Variants in DDX24 observed in about 807,000 individuals in gnomAD.
DDX24 encodes the protein ATP-dependent RNA helicase DDX24.
Under a neutral mutation model 68.9 loss-of-function variants are expected in DDX24, and 24 were observed. The observed-to-expected ratio is 0.35, with a 90% CI of 0.25 to 0.49. The LOEUF (loss-of-function observed/expected upper bound fraction) is 0.49. Among genes scored for constraint, DDX24 ranks in the 20% least tolerant of loss-of-function variants. The pLI is 0.99. For missense variants in DDX24, 989 were observed against 1,039.0 expected, an observed-to-expected ratio of 0.95 and a Z score of 0.66; for synonymous variants, 395 against 385.2, an observed-to-expected ratio of 1.03 and a Z score of -0.30.
chr14:94,062,293 A>G lies in DDX24; in HGVS notation c.1047T>C (p.Pro349=), dbSNP rs774521806. 1 of 1,614,242 alleles carries G rather than the reference A, an allele frequency of 6.2e-7. No homozygotes were observed. The highest frequency in any genetic ancestry group is 8.5e-7 in the Non-Finnish European group (1 of 1,180,036). ...EGPSSLIREK[P]VPKQNENEEE... is the part of the protein sequence containing the mutation. ...CCTCATTCTCATTCTGTTTGGGAAC[A>G]GGTTTCTCCCTGATCAGGGAAGAAG... The change falls in exon 3 of 9, where the codon CCT becomes CCC. Residue 349 remains proline, a synonymous_variant. Transcript: ENST00000621632.
At position 94,050,959 on chromosome 14, in the gene DDX24, C is replaced by A; in HGVS notation, c.*232G>T. The A allele has an allele frequency of 7.8e-6, 3 of 382,946 alleles. No homozygotes were observed. Among genetic ancestry groups the A allele is most frequent in the Admixed American group, 4.5e-5 (1 of 22,334 alleles). 23.7% of individuals were successfully genotyped at this position (382,946 alleles called of 1,614,324 possible). The stretch of plus-strand genomic sequence containing the variant: ...TTTTAATTTATGAAATCAAGTTTAA[C>A]ACACAAGAAGCCTATAAACACTGCA... On this transcript the variant is annotated 3_prime_UTR_variant, in exon 9 of 9. Transcript: ENST00000621632.
intron 6 of DDX24, chr14:94,057,062 A>C (rs1885504549): frequency 6.6e-6 from 1 of 152,232 alleles, no homozygotes; most frequent in Admixed American, 6.5e-5. Flanking sequence ...CATCAGCTCA[A>C]TTTAATTCTC....
chr14:94,079,447 A>G lies in DDX24; in HGVS notation c.296T>C (p.Ile99Thr). 6 of 1,613,740 alleles carry G rather than the reference A, an allele frequency of 3.7e-6. No homozygotes were observed. The highest frequency in any genetic ancestry group is 5.1e-6 in the Non-Finnish European group (6 of 1,179,972). Residue 99 changes from isoleucine (I) to threonine (T), a missense_variant, in exon 2 of 9, where the codon ATC (isoleucine) becomes ACC (threonine). Transcript: ENST00000621632. Reference protein sequence around the residue: ...EGKSSSPKKKIKLKKSKNVAT... With the variant: ...EGKSSSPKKKTKLKKSKNVAT... The stretch of plus-strand genomic sequence containing the variant: ...TACATTTTTACTTTTCTTCAACTTG[A>G]TCTTTTTCTTTGGTGAGCTAGACTT...
intron 5 of DDX24, 132 bp downstream of exon 5, chr14:94,059,966 A>T (rs922621071): frequency 1.0e-5 from 12 of 1,156,906 alleles, no homozygotes; most frequent in Non-Finnish European, 1.3e-5. Flanking sequence ...CAAAAAAAAA[A>T]AAAGGCTACC....
intron 3 of DDX24, among the ~76,000 whole-genome samples, chr14:94,061,285 T>C (rs1476986273): frequency 6.6e-6 from 1 of 152,090 alleles, no homozygotes; most frequent in Non-Finnish European, 1.5e-5. Context: ...GCCTCATTTC[T>C]TTTCTACTCC....
intron 2 of DDX24, among the ~76,000 whole-genome samples, chr14:94,067,812 CACT>C (rs35551192): frequency 0.32 from 47,976 of 151,766 alleles, 7,674 homozygotes; most frequent in Admixed American, 0.38. Flanking sequence ...ACCAAGCCAC[CACT>C]ACAAGAACTG....
In DDX24 at chr14:94,057,870, T is replaced by C. The variant is rs1056810; in HGVS notation, c.1941A>G (p.Ala647=). 0.33 allele frequency: 532,638 copies of C among 1,612,820 alleles called. 89,219 individuals carry two copies. The highest frequency in any genetic ancestry group is 0.42 in the Admixed American group (24,878 of 59,902). The part of the protein sequence containing the change: ...EDCVLLATDV[A]ARGLDIPKVQ... Reference sequence around the variant, plus strand: ...CTTTAGGAATATCCAGACCCCGAGCTGCCACATCTGTTGCCAAGAGAACAC... The same window carrying C: ...CTTTAGGAATATCCAGACCCCGAGCCGCCACATCTGTTGCCAAGAGAACAC... Residue 647 remains alanine (A), a synonymous_variant, in exon 6 of 9, where the codon GCA becomes GCG. Coordinates refer to ENST00000621632, the MANE Select transcript of DDX24 (RefSeq NM_020414.4).
intron 3 of DDX24, 67 bp downstream of exon 3, chr14:94,062,030 T>C: frequency 6.7e-7 from 1 of 1,492,710 alleles, no homozygotes. Context: ...CCACAGCTCA[T>C]TCATCTTTAC....
At position 94,051,547 on chromosome 14, in the gene DDX24, T is replaced by C. The variant is rs951303318; in HGVS notation, c.2309-85A>G. On this transcript the variant is annotated intron_variant, in intron 8 of 8. Coordinates refer to ENST00000621632, the MANE Select transcript of DDX24 (RefSeq NM_020414.4). ...CCTTGATGGGTAACACAGTGAAAAATGTTTTAGAACTACTTTAGGGAGGCA... is the reference window on the plus strand; with the variant it reads ...CCTTGATGGGTAACACAGTGAAAAACGTTTTAGAACTACTTTAGGGAGGCA... The C allele has an allele frequency of 5.4e-6, 8 of 1,480,798 alleles. No homozygotes were observed. In the Admixed American group the frequency reaches 2.1e-4, roughly 38 times the overall value. The allele number at this position is 1,480,798 out of a possible 1,614,324, so 91.7% of individuals were successfully genotyped here.
At chr14:94,071,525 T>C (rs535880511) in intron 2 of DDX24, among the ~76,000 whole-genome samples, 1 of 152,262 alleles carries the variant, frequency 6.6e-6, no homozygotes, top group East Asian at 1.9e-4. Context: ...GGCAGGCACC[T>C]GTAATCCCAG....
rs1237225629 is a variant in DDX24 at position 94,060,215 on chromosome 14, C to A, written c.1796G>T (p.Cys599Phe). Reference protein sequence around the residue: ...RSLVFANSISCIKRLSGLLKV... With the variant: ...RSLVFANSISFIKRLSGLLKV... ...GAGGAGCCCAGAGAGGCGTTTGATG[C>A]AGGAGATACTGTTGGCAAACACTAA... Residue 599 changes from cysteine (C) to phenylalanine (F), a missense_variant, in exon 5 of 9, where the codon TGC becomes TTC. This residue lies in a region of DDX24 where 691 missense variants were observed against 760.0 expected (regional missense o/e 0.91). Transcript: ENST00000621632. 2.5e-6 allele frequency: 4 copies of A among 1,614,132 alleles called. No individual in the cohort carries two copies. Among genetic ancestry groups the A allele is most frequent in the East Asian group, 2.2e-5 (1 of 44,876 alleles).
Position 94,054,998 on chromosome 14 carries a change from T to TGACCAC in DDX24, c.2170_2175dup (p.Val724_Val725dup). The TGACCAC allele has an allele frequency of 6.8e-6, 11 of 1,614,020 alleles. No individual in the cohort carries two copies. The highest frequency in any genetic ancestry group is 8.5e-6 in the Non-Finnish European group (10 of 1,179,904). ...CTGGGGTTTTAACTGCTTTCTACCT[T>TGACCAC]GACCACATCCATGTATTTTGTCTGC... On this transcript the variant is annotated inframe_insertion, in exon 7 of 9. Coordinates refer to ENST00000621632, the MANE Select transcript of DDX24 (RefSeq NM_020414.4).
chr14:94,055,025 C>T lies in DDX24; in HGVS notation c.2149G>A (p.Val717Met), dbSNP rs747489286. The change falls in exon 7 of 9, where the codon GTG (valine) becomes ATG (methionine). Residue 717 changes from valine to methionine, a missense_variant. Physicochemically the swap from Val to Met is conservative, Grantham distance 21. Transcript: ENST00000621632. ...KKDEDIPLFP[V>M]QTKYMDVVKE... is the part of the protein sequence containing the mutation. ...ACCACATCCATGTATTTTGTCTGCA[C>T]GGGGAACAGTGGGATATCCTCATCT... 19 of 1,613,996 alleles carry T rather than the reference C, an allele frequency of 1.2e-5. No homozygotes were observed. Among genetic ancestry groups the T allele is most frequent in the South Asian group, 2.2e-5 (2 of 91,086 alleles).
chr14:94,076,778 G>C (rs564671452), intron 2 of DDX24, among the ~76,000 whole-genome samples: 13 of 151,988 alleles, frequency 8.6e-5, no homozygotes, highest in African/African-American at 3.1e-4. Flanking sequence ...AACTGAGGGA[G>C]GGAGGGAGGG....
Position 94,055,170 on chromosome 14 carries a change from C to T in DDX24, c.2004G>A (p.Ser668=), listed in dbSNP as rs1427807414. 8.7e-6 allele frequency: 14 copies of T among 1,613,274 alleles called. No homozygotes were observed. The highest frequency in any genetic ancestry group is 4.4e-5 in the South Asian group (4 of 91,058). ...HVIHYQVPRT[S]EIYVHRSGRT... is the part of the protein sequence containing the mutation. ...GACCACTTCGGTGGACATAAATCTC[C>T]GAGGTACGTGGGACCTGCCACAGGA... Residue 668 remains serine, a synonymous_variant, in exon 7 of 9, where the codon TCG becomes TCA. Coordinates refer to ENST00000621632, the MANE Select transcript of DDX24 (RefSeq NM_020414.4).
At chr14:94,066,793 T>C (rs1885714653) in intron 2 of DDX24, among the ~76,000 whole-genome samples, 1 of 152,186 alleles carries the variant, frequency 6.6e-6, no homozygotes, top group Non-Finnish European at 1.5e-5. Flanking sequence ...GGGGGAGTAC[T>C]ACATCAAGGG....
rs1306061591 is a variant in DDX24, at chr14:94,064,814, C to T, written c.719-2193G>A. ...ACCTGAGGAAGGTGTTGTGGGAATA[C>T]CCAATTTGTAGCCAAGCTGACCAGA... On this transcript the variant is annotated intron_variant, in intron 2 of 8. Transcript: ENST00000621632. Among the ~76,000 whole-genome samples, 25 of 152,300 alleles carry T rather than the reference C, an allele frequency of 1.6e-4. No homozygotes were observed. In the East Asian group the frequency reaches 3.7e-3, roughly 22 times the overall value.
In DDX24 at chr14:94,079,194, T is replaced by G. The variant is rs1245234602; in HGVS notation, c.549A>C (p.Glu183Asp). 6.2e-7 allele frequency: 1 copy of G among 1,614,204 alleles called. No homozygotes were observed. The highest frequency in any genetic ancestry group is 2.2e-5 in the East Asian group (1 of 44,880). ...VPKKAKTWIP[E>D]VHDQKADVSA... ...ACACATCTGCTTTCTGATCATGAACTTCAGGAATCCATGTCTTCGCTTTTT... is the reference window on the plus strand; with the variant it reads ...ACACATCTGCTTTCTGATCATGAACGTCAGGAATCCATGTCTTCGCTTTTT... Residue 183 changes from glutamate to aspartate, a missense_variant, in exon 2 of 9, where the codon GAA becomes GAC. Coordinates refer to ENST00000621632, the MANE Select transcript of DDX24 (RefSeq NM_020414.4).
At chr14:94,076,554 G>A (rs1885944409) in intron 2 of DDX24, among the ~76,000 whole-genome samples, 1 of 151,978 alleles carries the variant, frequency 6.6e-6, no homozygotes, top group Non-Finnish European at 1.5e-5. Context: ...GGTGGCAAGT[G>A]CCTGTAATCC....
Sources: allele counts gnomAD v4.1 joint callset (sites outside exome capture counted in the v4.1 genomes callset), GRCh38; gene constraint gnomAD v4.1.1; regional missense constraint gnomAD v4.1.1; transcripts MANE v1.5; gene names NCBI Gene and HGNC (gene_info 2026-07-23, HGNC 2026-07-21).